GPX8: variants seen among roughly 807,000 people sequenced by gnomAD.
GPX8 encodes the protein protein peroxidase GPX8.
GPX8 carries 12 observed loss-of-function variants against 17.8 expected under a neutral mutation model. That is an observed-to-expected ratio of 0.67 (90% confidence interval 0.43 to 1.09). The LOEUF is 1.09. GPX8 is among the 50% of genes least tolerant of loss of function. The pLI, the probability that GPX8 is intolerant of heterozygous loss-of-function variation, is 0.00. For synonymous variants in GPX8, 86 were observed against 88.1 expected (o/e 0.98, Z 0.14); for missense variants, 209 against 235.6 (o/e 0.89, Z 0.74).
chr5:55,163,973 C>A, intron 2 of GPX8, 82 bp from the exon 3 acceptor site: 1 of 1,046,604 alleles, frequency 9.6e-7, no homozygotes, highest in Non-Finnish European at 1.4e-6. Context: ...CTAAAGTTAT[C>A]ATTTATGCAG....
In GPX8 at chr5:55,164,039, G is replaced by T. The variant is rs1413263438; in HGVS notation, c.467-16G>T. 3.9e-6 allele frequency: 6 copies of T among 1,537,350 alleles called. No individual in the cohort carries two copies. The highest frequency in any genetic ancestry group is 1.7e-4 in the Middle Eastern group (1 of 5,746). On this transcript the variant is annotated splice_polypyrimidine_tract_variant and intron_variant, in intron 2 of 2. Transcript: ENST00000503787. ...AATAAAATTATGCTCATGAAAATAT[G>T]TTCTGGATATTTTAGATTCTTCAAA... is the stretch of plus-strand genomic sequence containing the variant.
At chr5:55,161,330 C>T (rs143235379) in intron 2 of GPX8, 75 bp downstream of exon 2, 21,512 of 1,350,256 alleles carry the variant, frequency 0.016, 223 homozygotes, top group Non-Finnish European at 0.02. Context: ...CAATACTTTC[C>T]TATTTCATTT....
intron 2 of GPX8, among the ~76,000 whole-genome samples, 195 bp from the exon 3 acceptor site, chr5:55,163,860 A>C (rs949251546): frequency 4.0e-5 from 6 of 149,752 alleles, no homozygotes; most frequent in Non-Finnish European, 8.9e-5. Flanking sequence ...GTAGACTCAT[A>C]GGTGAAGTCA....
At chr5:55,160,422 T>C (rs1249862607) in intron 1 of GPX8, 26 bp downstream of exon 1, 1 of 1,567,380 alleles carries the variant, frequency 6.4e-7, no homozygotes, top group East Asian at 2.2e-5. Flanking sequence ...TGATTTTTAT[T>C]GTTATCATTT....
Position 55,164,103 on chromosome 5 carries a change from A to G in GPX8, c.515A>G (p.Asn172Ser), listed in dbSNP as rs1744245199. The change falls in exon 3 of 3, where the codon AAC (asparagine) becomes AGC (serine). Residue 172 changes from asparagine to serine, a missense_variant. By Grantham distance (46) the Asn-to-Ser change is conservative. Coordinates refer to ENST00000503787, the MANE Select transcript of GPX8 (RefSeq NM_001008397.4). The stretch of plus-strand genomic sequence containing the variant: ...TGGAATTTTTGGAAGTATCTTGTCA[A>G]CCCTGAGGGTCAAGTTGTGAAGTTC... Reference protein sequence around the residue: ...PRWNFWKYLVNPEGQVVKFWK... With the variant: ...PRWNFWKYLVSPEGQVVKFWK... The G allele has an allele frequency of 3.7e-6, 6 of 1,604,222 alleles. No homozygotes were observed. Among genetic ancestry groups the G allele is most frequent in the African/African-American group, 1.3e-5 (1 of 74,744 alleles).
At chr5:55,162,960 C>T (rs372340296) in intron 2 of GPX8, among the ~76,000 whole-genome samples, 3 of 152,234 alleles carry the variant, frequency 2.0e-5, no homozygotes, top group African/African-American at 7.2e-5. Flanking sequence ...TCATTAGCCA[C>T]GTGACCTTGT....
rs1023996687 is a variant in GPX8, at chr5:55,164,401, AT to A, written c.*192del. On this transcript the variant is annotated 3_prime_UTR_variant, in exon 3 of 3. Coordinates refer to ENST00000503787, the MANE Select transcript of GPX8 (RefSeq NM_001008397.4). ...ATGCTATTAAATGTGGCAATGAAGGATTTTTTTTTAATGTTATCTTGCTATT... is the reference window on the plus strand; with the variant it reads ...ATGCTATTAAATGTGGCAATGAAGGATTTTTTTTAATGTTATCTTGCTATT... 281 of 377,658 alleles carry A rather than the reference AT, an allele frequency of 7.4e-4. No homozygotes were observed. The highest frequency in any genetic ancestry group is 1.4e-3 in the Middle Eastern group (2 of 1,450). 23.4% of individuals were successfully genotyped at this position (377,658 alleles called of 1,614,324 possible).
rs1034591978 is a variant in GPX8, at chr5:55,166,593, G to A, written c.*2375G>A. 2 of 152,214 alleles carry A rather than the reference G, an allele frequency of 1.3e-5. No individual in the cohort carries two copies. Among genetic ancestry groups the A allele is most frequent in the Non-Finnish European group, 2.9e-5 (2 of 68,044 alleles). The allele number at this position is 152,214 out of a possible 1,614,324, so 9.4% of individuals were successfully genotyped here. A position where few individuals can be genotyped will look rare whatever the true frequency, so the allele number is the denominator to read the frequency against. On this transcript the variant is annotated 3_prime_UTR_variant, in exon 3 of 3. Transcript: ENST00000503787. ...CTACCTGTAACTCAAATGCCTCATA[G>A]GAATACCAGCGGACAAACACATAGA...
In GPX8 at chr5:55,166,975, A is replaced by G. The variant is rs939828440; in HGVS notation, c.*2757A>G. ...AAAACAGGAGGCTGAGGTTGCAATG[A>G]GCCAAGATTGCACCACTGCACTCCA... On this transcript the variant is annotated 3_prime_UTR_variant, in exon 3 of 3. Coordinates refer to ENST00000503787, the MANE Select transcript of GPX8 (RefSeq NM_001008397.4). The G allele has an allele frequency of 2.0e-5, 3 of 152,190 alleles. No homozygotes were observed. Among genetic ancestry groups the G allele is most frequent in the African/African-American group, 7.2e-5 (3 of 41,422 alleles). 9.4% of individuals were successfully genotyped at this position (152,190 alleles called of 1,614,324 possible).
At position 55,166,348 on chromosome 5, in the gene GPX8, T is replaced by G. The variant is rs565453107; in HGVS notation, c.*2130T>G. 2.6e-5 allele frequency: 4 copies of G among 152,344 alleles called. No individual in the cohort carries two copies. Among genetic ancestry groups the G allele is most frequent in the Non-Finnish European group, 4.4e-5 (3 of 68,058 alleles). 9.4% of individuals were successfully genotyped at this position (152,344 alleles called of 1,614,324 possible). ...GATAAAGTGGGTTTCTTCACTTACA[T>G]CTCTCTAATCTTGGCTGCCTTATTC... On this transcript the variant is annotated 3_prime_UTR_variant, in exon 3 of 3. Transcript: ENST00000503787.
In GPX8 at chr5:55,164,211, A is replaced by T; in HGVS notation, c.623A>T (p.Asp208Val). The T allele has an allele frequency of 6.5e-7, 1 of 1,536,920 alleles. No homozygotes were observed. Among genetic ancestry groups the T allele is most frequent in the Non-Finnish European group, 8.8e-7 (1 of 1,134,944 alleles). Reference sequence around the variant, plus strand: ...CAAGTGATCATAAAAAAGAAAGAGGATCTATGAGAATGCCATTGCGTTTCT... The same window carrying T: ...CAAGTGATCATAAAAAAGAAAGAGGTTCTATGAGAATGCCATTGCGTTTCT... ...VRQVIIKKKE[D>V]L The change falls in exon 3 of 3, where the codon GAT becomes GTT. Residue 208 changes from aspartate to valine, a missense_variant. By Grantham distance (152) the Asp-to-Val change is radical (BLOSUM62 -3). Coordinates refer to ENST00000503787, the MANE Select transcript of GPX8 (RefSeq NM_001008397.4).
At position 55,166,093 on chromosome 5, in the gene GPX8, A is replaced by G. The variant is rs1214824484; in HGVS notation, c.*1875A>G. ...CAGAGCACTCTTGCCTTGTATCCTC[A>G]CCTACGCCTTCCATGAACTCATAGC... On this transcript the variant is annotated 3_prime_UTR_variant, in exon 3 of 3. Transcript: ENST00000503787. 1 of 152,186 alleles carries G rather than the reference A, an allele frequency of 6.6e-6. No individual in the cohort carries two copies. The highest frequency in any genetic ancestry group is 1.9e-4 in the East Asian group (1 of 5,202). 9.4% of individuals were successfully genotyped at this position (152,186 alleles called of 1,614,324 possible).
chr5:55,161,212 G>A lies in GPX8; in HGVS notation c.423G>A (p.Lys141=). 1 of 1,614,156 alleles carries A rather than the reference G, an allele frequency of 6.2e-7. No individual in the cohort carries two copies. ...CTTTCCCCATCTTCCACAAGATTAA[G>A]ATTCTAGGATCTGAAGGAGAACCTG... ...GVTFPIFHKI[K]ILGSEGEPAF... The change falls in exon 2 of 3, where the codon AAG becomes AAA. Residue 141 remains lysine (K), a synonymous_variant. Coordinates refer to ENST00000503787, the MANE Select transcript of GPX8 (RefSeq NM_001008397.4).
Position 55,164,239 on chromosome 5 carries a change from T to C in GPX8, c.*21T>C, listed in dbSNP as rs200917900. The C allele has an allele frequency of 3.4e-5, 51 of 1,500,036 alleles. No homozygotes were observed. The Admixed American group carries it at 5.8e-4, about 17-fold the overall frequency. The allele number at this position is 1,500,036 out of a possible 1,614,324, so 92.9% of individuals were successfully genotyped here. A position where few individuals can be genotyped will look rare whatever the true frequency, so the allele number is the denominator to read the frequency against. On this transcript the variant is annotated 3_prime_UTR_variant, in exon 3 of 3. Transcript: ENST00000503787. Reference sequence around the variant, plus strand: ...TATGAGAATGCCATTGCGTTTCTAATAGAACAGAGAAATGTCTCCATGAGG... The same window carrying C: ...TATGAGAATGCCATTGCGTTTCTAACAGAACAGAGAAATGTCTCCATGAGG...
chr5:55,161,287 A>G (rs1456021758), intron 2 of GPX8, 32 bp downstream of exon 2: 4 of 1,582,940 alleles, frequency 2.5e-6, no homozygotes, highest in Non-Finnish European at 3.4e-6. Context: ...GCTGTTTTAA[A>G]TTGCTTTTCA....
Position 55,160,243 on chromosome 5 carries a change from G to A in GPX8, c.51G>A (p.Lys17=), listed in dbSNP as rs148475851. 2.5e-5 allele frequency: 41 copies of A among 1,614,036 alleles called. No individual in the cohort carries two copies. The African/African-American group carries it at 5.1e-4, about 20-fold the overall frequency. Residue 17 remains lysine, a synonymous_variant, in exon 1 of 3, where the codon AAG becomes AAA. Transcript: ENST00000503787. ...TAAAATGTTCCGGGCCCAGAGCAAAGGTATTTGCAGTTTTGCTGTCTATAG... is the reference window on the plus strand; with the variant it reads ...TAAAATGTTCCGGGCCCAGAGCAAAAGTATTTGCAGTTTTGCTGTCTATAG... ...YPLKCSGPRA[K]VFAVLLSIVL...
At chr5:55,160,494 T>C in intron 1 of GPX8, 98 bp downstream of exon 1, 1 of 889,216 alleles carries the variant, frequency 1.1e-6, no homozygotes, top group Non-Finnish European at 1.7e-6. Flanking sequence ...TGGTCATAAG[T>C]TGGAATTTAG....
In GPX8 at chr5:55,164,145, C is replaced by G. The variant is rs1183783579; in HGVS notation, c.557C>G (p.Pro186Arg). ...QVVKFWKPEEPIEVIRPDIAA... is the reference protein window; with the variant it reads ...QVVKFWKPEERIEVIRPDIAA... The stretch of plus-strand genomic sequence containing the variant: ...GTGAAGTTCTGGAAGCCAGAGGAGC[C>G]CATTGAAGTCATCAGGCCTGACATA... The change falls in exon 3 of 3, where the codon CCC becomes CGC. Residue 186 changes from proline to arginine, a missense_variant. By Grantham distance (103) the Pro-to-Arg change is moderately radical. Coordinates refer to ENST00000503787, the MANE Select transcript of GPX8 (RefSeq NM_001008397.4). 1 of 1,603,258 alleles carries G rather than the reference C, an allele frequency of 6.2e-7. No individual in the cohort carries two copies. Among genetic ancestry groups the G allele is most frequent in the South Asian group, 1.1e-5 (1 of 89,534 alleles).
chr5:55,167,009 A>G lies in GPX8; in HGVS notation c.*2791A>G, dbSNP rs547198310. ...TGCACCACTGCACTCCAACCTGGGC[A>G]ACAGAGCGAGACCCCATCTTAAAGA... On this transcript the variant is annotated 3_prime_UTR_variant, in exon 3 of 3. Transcript: ENST00000503787. 9.2e-5 allele frequency: 14 copies of G among 152,314 alleles called. No individual in the cohort carries two copies. In the East Asian group the frequency reaches 2.7e-3, roughly 29 times the overall value. 9.4% of individuals were successfully genotyped at this position (152,314 alleles called of 1,614,324 possible).
Sources: allele counts gnomAD v4.1 joint callset (sites outside exome capture counted in the v4.1 genomes callset), GRCh38; gene constraint gnomAD v4.1.1; transcripts MANE v1.5; gene names NCBI Gene and HGNC (gene_info 2026-07-23, HGNC 2026-07-21).